The following DPP10 variants were observed in gnomAD, a reference collection of about 807,000 sequenced individuals.
The protein encoded by DPP10 is dipeptidyl peptidase like 10, also known as inactive dipeptidyl peptidase 10.
DPP10 carries 33 observed loss-of-function variants against 120.9 expected under a neutral mutation model. That is an observed-to-expected ratio of 0.27 (90% CI 0.21 to 0.37). DPP10 has a LOEUF of 0.37. Among genes scored for constraint, DPP10 ranks in the 10% least tolerant of loss-of-function variants. The pLI is 1.00. For synonymous variants in DPP10, 337 were observed against 326.1 expected, an observed-to-expected ratio of 1.03 and a Z score of -0.36; for missense variants, 816 against 942.8, an observed-to-expected ratio of 0.87 and a Z score of 1.76.
rs181798288 is a variant in DPP10, at chr2:114,663,354, G to A, written c.60+220516G>A. Among the ~76,000 whole-genome samples, 35 of 149,584 alleles carry A rather than the reference G, an allele frequency of 2.3e-4. No individual in the cohort carries two copies. The East Asian group carries it at 6.3e-3, about 27-fold the overall frequency. ...GTGAGCTCTGGTTTATTGATTATCC[G>A]ATGACTGGCAGTTATTGAATAATCC... is the stretch of plus-strand genomic sequence containing the variant. On this transcript the variant is annotated intron_variant, in intron 1 of 25. Transcript: ENST00000410059.
At chr2:114,962,492 T>C (rs1698717136) in intron 1 of DPP10, among the ~76,000 whole-genome samples, 1 of 152,224 alleles carries the variant, frequency 6.6e-6, no homozygotes, top group Non-Finnish European at 1.5e-5. Context: ...CTTTTTTTCT[T>C]GTTTTATTTG....
chr2:115,773,427 A>G (rs1681714803), intron 13 of DPP10, among the ~76,000 whole-genome samples: 1 of 151,948 alleles, frequency 6.6e-6, no homozygotes, highest in African/African-American at 2.4e-5. Context: ...CCAAATAAAC[A>G]CTCTATTCCA....
At position 115,739,844 on chromosome 2, in the gene DPP10, G is replaced by A. The variant is rs148038008; in HGVS notation, c.803G>A (p.Arg268Gln). The A allele has an allele frequency of 1.7e-5, 27 of 1,613,436 alleles. No individual in the cohort carries two copies. Among genetic ancestry groups the A allele is most frequent in the Admixed American group, 1.7e-4 (10 of 59,970 alleles). ...TTGGTACCCACCATGGTTATCCCTC[G>A]GTTTACTGGAGCGTTGTATCCCAAA... is the stretch of plus-strand genomic sequence containing the variant. ...DSLVPTMVIP[R>Q]FTGALYPKGK... The change falls in exon 9 of 26, where the codon CGG becomes CAG. Residue 268 changes from arginine to glutamine, a missense_variant. By Grantham distance (43) the Arg-to-Gln change is conservative (BLOSUM62 1). This residue lies in a region of DPP10 where 592 missense variants were observed against 649.0 expected (regional missense o/e 0.91). Transcript: ENST00000410059.
chr2:114,503,032 G>A (rs34846987), intron 1 of DPP10, among the ~76,000 whole-genome samples: 39,048 of 152,098 alleles, frequency 0.26, 6,255 homozygotes, highest in Admixed American at 0.4. Context: ...AGGGCCCATG[G>A]AGGGCTATAG....
At position 114,641,689 on chromosome 2, in the gene DPP10, C is replaced by A. The variant is rs943228468; in HGVS notation, c.60+198851C>A. ...ACTTTTAAAAGTCCAGATAAAAGCC[C>A]ACTATTCAGTAGTTAGAATAATTCA... On this transcript the variant is annotated intron_variant, in intron 1 of 25. Coordinates refer to ENST00000410059, the MANE Select transcript of DPP10 (RefSeq NM_020868.6). Among the ~76,000 whole-genome samples, 6 of 151,928 alleles carry A rather than the reference C, an allele frequency of 3.9e-5. No homozygotes were observed. In the East Asian group the frequency reaches 1.2e-3, roughly 29 times the overall value.
intron 5 of DPP10, among the ~76,000 whole-genome samples, chr2:115,601,057 G>A (rs978977197): frequency 6.6e-6 from 1 of 152,064 alleles, no homozygotes; most frequent in African/African-American, 2.4e-5. Context: ...TCATCTTCAA[G>A]TCTTTTCTAG....
chr2:114,888,857 G>T (rs998428), intron 1 of DPP10, among the ~76,000 whole-genome samples: 31,306 of 152,058 alleles, frequency 0.21, 3,521 homozygotes, highest in Middle Eastern at 0.27. Context: ...CACACAAGAT[G>T]CACAGCCTGG....
intron 1 of DPP10, among the ~76,000 whole-genome samples, chr2:114,661,001 C>T (rs1048612006): frequency 1.3e-5 from 2 of 152,114 alleles, no homozygotes; most frequent in African/African-American, 2.4e-5. Context: ...AAAAATATTT[C>T]TGCTTGCTAA....
At chr2:115,119,887 A>G (rs1183210834) in intron 1 of DPP10, among the ~76,000 whole-genome samples, 1 of 152,214 alleles carries the variant, frequency 6.6e-6, no homozygotes, top group Non-Finnish European at 1.5e-5. Context: ...GGAAAATCCC[A>G]GGAGAACCAT....
At chr2:114,896,953 T>C (rs1472193946) in intron 1 of DPP10, among the ~76,000 whole-genome samples, 1 of 152,240 alleles carries the variant, frequency 6.6e-6, no homozygotes, top group Non-Finnish European at 1.5e-5. Flanking sequence ...GAAGCGTTGT[T>C]GAATTTTGTC....
intron 1 of DPP10, among the ~76,000 whole-genome samples, chr2:115,009,313 GTA>G (rs1702088292): frequency 6.6e-6 from 1 of 150,758 alleles, no homozygotes; most frequent in African/African-American, 2.4e-5. Context: ...ATCATTCTCA[GTA>G]AACTATCCCA....
chr2:115,415,852 T>C (rs2069359327), intron 3 of DPP10, among the ~76,000 whole-genome samples: 1 of 132,082 alleles, frequency 7.6e-6, no homozygotes, highest in African/African-American at 3.0e-5. Context: ...TATATATATA[T>C]ATATATATAT....
chr2:114,924,203 AT>A (rs1171741849), intron 1 of DPP10, among the ~76,000 whole-genome samples: 8 of 152,196 alleles, frequency 5.3e-5, no homozygotes, highest in African/African-American at 1.9e-4. Context: ...CCATAAATCC[AT>A]TTCCTACTAT....
At chr2:114,786,176 T>C (rs1034222251) in intron 1 of DPP10, among the ~76,000 whole-genome samples, 1 of 152,222 alleles carries the variant, frequency 6.6e-6, no homozygotes, top group Non-Finnish European at 1.5e-5. Flanking sequence ...AGGGAAGAAA[T>C]CAACTGATTA....
rs568069220 is a variant in DPP10 at position 115,259,350 on chromosome 2, G to A, written c.61-49889G>A. Among the ~76,000 whole-genome samples, 125 of 152,160 alleles carry A rather than the reference G, an allele frequency of 8.2e-4. 1 individual carries two copies. Among genetic ancestry groups the A allele is most frequent in the African/African-American group, 2.8e-3 (117 of 41,514 alleles). ...TGCAAAAAAATTAGATGGGCCTGGA[G>A]GCACATGCCCGTAATCCCAGCTACT... is the stretch of plus-strand genomic sequence containing the variant. On this transcript the variant is annotated intron_variant, in intron 1 of 25. Transcript: ENST00000410059.
At chr2:114,631,035 A>G (rs759512246) in intron 1 of DPP10, among the ~76,000 whole-genome samples, 31 of 152,162 alleles carry the variant, frequency 2.0e-4, no homozygotes, top group Non-Finnish European at 4.4e-4. Flanking sequence ...TTCAGGACAA[A>G]GATTTGCTGC....
chr2:114,565,292 C>A (rs139720681), intron 1 of DPP10, among the ~76,000 whole-genome samples: 155 of 152,206 alleles, frequency 1.0e-3, no homozygotes, highest in African/African-American at 3.5e-3. Context: ...TGGTATAGTG[C>A]GTGACATGAA....
chr2:115,436,046 T>G (rs1349746387), intron 3 of DPP10, among the ~76,000 whole-genome samples: 1 of 151,902 alleles, frequency 6.6e-6, no homozygotes, highest in Non-Finnish European at 1.5e-5. Flanking sequence ...TTGGGAGTGG[T>G]AATATCATTC....
intron 5 of DPP10, among the ~76,000 whole-genome samples, chr2:115,651,931 C>CAA (rs1301635521): frequency 3.3e-5 from 5 of 151,920 alleles, no homozygotes; most frequent in Admixed American, 3.3e-4. Flanking sequence ...ATTCATTTTT[C>CAA]AAAGTTTCCC....
Sources: gnomAD v4.1 joint callset for allele counts (sites outside exome capture counted in the v4.1 genomes callset) on GRCh38, gnomAD v4.1.1 for gene constraint, gnomAD v4.1.1 regional missense constraint, MANE v1.5 for transcripts, NCBI Gene and HGNC (gene_info 2026-07-23, HGNC 2026-07-21) for gene names.